NAV3: variants seen among roughly 807,000 people sequenced by gnomAD.
NAV3 encodes neuron navigator 3.
NAV3 carries 87 observed loss-of-function variants against 244.7 expected under a neutral mutation model. The observed-to-expected ratio is 0.36, with a 90% CI of 0.30 to 0.42. NAV3 has a LOEUF of 0.42. NAV3 is among the 20% of genes least tolerant of loss of function. The pLI, the probability that NAV3 is intolerant of heterozygous loss-of-function variation, is 1.00. For missense variants in NAV3, 2,663 were observed against 2,893.3 expected (o/e 0.92, Z 1.83); for synonymous variants, 1,126 against 1,042.2 (o/e 1.08, Z -1.55).
At chr12:78,081,470 G>A (rs1192442400) in intron 12 of NAV3, among the ~76,000 whole-genome samples, 2 of 152,182 alleles carry the variant, frequency 1.3e-5, no homozygotes, top group Non-Finnish European at 2.9e-5. Flanking sequence ...GATGAGTCGG[G>A]GAGGTGTGCT....
At chr12:77,910,810 C>T (rs570052152) in intron 1 of NAV3, among the ~76,000 whole-genome samples, 2 of 152,034 alleles carry the variant, frequency 1.3e-5, no homozygotes, top group South Asian at 2.1e-4. Flanking sequence ...ATAAGGTACA[C>T]CCTAATAGGT....
chr12:78,084,057 A>C (rs1248533475), intron 12 of NAV3, among the ~76,000 whole-genome samples: 1 of 152,242 alleles, frequency 6.6e-6, no homozygotes, highest in Non-Finnish European at 1.5e-5. Context: ...AATATCATGC[A>C]GACTGATTTC....
intron 7 of NAV3, among the ~76,000 whole-genome samples, chr12:78,003,378 T>A (rs1437820597): frequency 6.6e-6 from 1 of 152,196 alleles, no homozygotes; most frequent in African/African-American, 2.4e-5. Context: ...GCTTAAAGTA[T>A]CCTATATTCA....
intron 12 of NAV3, among the ~76,000 whole-genome samples, chr12:78,073,920 C>T (rs1213978958): frequency 6.6e-6 from 1 of 152,134 alleles, no homozygotes; most frequent in Admixed American, 6.5e-5. Flanking sequence ...TATGTTGGTA[C>T]AGTTGATGAT....
intron 1 of NAV3, among the ~76,000 whole-genome samples, chr12:77,879,020 C>G (rs1418751619): frequency 6.6e-6 from 1 of 152,164 alleles, no homozygotes; most frequent in Admixed American, 6.6e-5. Flanking sequence ...CCCAGATGGT[C>G]ATTTCTTTAT....
chr12:77,589,018 G>C (rs899715900), intron 2 of NAV3, among the ~76,000 whole-genome samples: 1 of 152,130 alleles, frequency 6.6e-6, no homozygotes, highest in African/African-American at 2.4e-5. Flanking sequence ...AGCTTTTAAA[G>C]TGTTATAGAA....
At chr12:77,697,102 T>G (rs768055323) in intron 2 of NAV3, among the ~76,000 whole-genome samples, 4 of 152,140 alleles carry the variant, frequency 2.6e-5, no homozygotes, top group Non-Finnish European at 4.4e-5. Flanking sequence ...TGGTATCCTG[T>G]GTAAATTCTC....
intron 9 of NAV3, among the ~76,000 whole-genome samples, chr12:78,038,898 A>G (rs1222666327): frequency 6.6e-6 from 1 of 152,146 alleles, no homozygotes; most frequent in Non-Finnish European, 1.5e-5. Flanking sequence ...CAGTTAAATT[A>G]TAGCATGCTG....
At chr12:78,161,063 G>A (rs1355344848) in intron 23 of NAV3, among the ~76,000 whole-genome samples, 3 of 151,980 alleles carry the variant, frequency 2.0e-5, no homozygotes, top group African/African-American at 7.3e-5. Flanking sequence ...AGCAGCTGAC[G>A]GGAAAGAATA....
At chr12:78,115,192 C>A (rs528668304) in intron 12 of NAV3, among the ~76,000 whole-genome samples, 1 of 152,106 alleles carries the variant, frequency 6.6e-6, no homozygotes, top group South Asian at 2.1e-4. Context: ...TTTGCAGGAG[C>A]CTTTTAAATC....
intron 9 of NAV3, among the ~76,000 whole-genome samples, chr12:78,045,267 C>A (rs1398714609): frequency 6.6e-6 from 1 of 152,052 alleles, no homozygotes. Context: ...CCTTGTATCC[C>A]AGCAATGAAC....
chr12:77,752,752 C>G (rs140240315), intron 2 of NAV3, among the ~76,000 whole-genome samples: 8 of 152,144 alleles, frequency 5.3e-5, no homozygotes, highest in African/African-American at 1.9e-4. Context: ...ATAAGGCAAG[C>G]GACTGAATAC....
At chr12:77,786,978 A>C (rs1309783938) in intron 2 of NAV3, among the ~76,000 whole-genome samples, 1 of 152,068 alleles carries the variant, frequency 6.6e-6, no homozygotes, top group Non-Finnish European at 1.5e-5. Flanking sequence ...TTTAATAATT[A>C]TTAATTACTA....
At chr12:78,087,690 T>A (rs1953709010) in intron 12 of NAV3, among the ~76,000 whole-genome samples, 1 of 152,062 alleles carries the variant, frequency 6.6e-6, no homozygotes, top group Non-Finnish European at 1.5e-5. Flanking sequence ...AGTTGTGAAG[T>A]GAATTTTCTT....
chr12:77,674,710 G>A (rs531019837), intron 2 of NAV3, among the ~76,000 whole-genome samples: 2 of 152,228 alleles, frequency 1.3e-5, no homozygotes, highest in Non-Finnish European at 2.9e-5. Flanking sequence ...TTTAAACTCA[G>A]TGGTTTTTGT....
At chr12:78,155,748 C>A (rs1358919453) in intron 22 of NAV3, among the ~76,000 whole-genome samples, 1 of 151,464 alleles carries the variant, frequency 6.6e-6, no homozygotes. Context: ...TTGATGTTAC[C>A]CTTTTTTTTA....
At chr12:77,977,708 A>ACGCGCG (rs143241072) in intron 5 of NAV3, among the ~76,000 whole-genome samples, 2,382 of 73,344 alleles carry the variant, frequency 0.032, 30 homozygotes, top group Non-Finnish European at 0.055. Context: ...ACACACACAC[A>ACGCGCG]CGCGCACACA....
chr12:77,685,378 G>A (rs569918650), intron 2 of NAV3, among the ~76,000 whole-genome samples: 8 of 152,012 alleles, frequency 5.3e-5, no homozygotes, highest in African/African-American at 1.9e-4. Context: ...TCATGGTGAA[G>A]AACTCTGAAC....
chr12:77,718,345 A>T (rs952724142), intron 2 of NAV3, among the ~76,000 whole-genome samples: 6 of 152,062 alleles, frequency 3.9e-5, no homozygotes, highest in Admixed American at 2.6e-4. Context: ...TTTCACCATT[A>T]TGTAGCCTTG....
Sources: gnomAD v4.1 joint callset for allele counts (sites outside exome capture counted in the v4.1 genomes callset) on GRCh38, gnomAD v4.1.1 for gene constraint, MANE v1.5 for transcripts, NCBI Gene and HGNC (gene_info 2026-07-23, HGNC 2026-07-21) for gene names.